The following MARCHF8 variants were observed in gnomAD, a reference collection of about 807,000 sequenced individuals.
The protein encoded by MARCHF8 is membrane associated ring-CH-type finger 8.
A neutral mutation model predicts 51.6 loss-of-function variants in MARCHF8; 40 were observed. That is an observed-to-expected ratio of 0.77 (90% CI 0.60 to 1.01). The LOEUF (loss-of-function observed/expected upper bound fraction) is 1.01. MARCHF8 is among the 50% of genes least tolerant of loss of function. The pLI is 0.00. For synonymous variants in MARCHF8, 263 were observed against 280.3 expected (o/e 0.94, Z 0.62); for missense variants, 685 against 708.6 (o/e 0.97, Z 0.38).
chr10:45,521,899 A>C (rs921231771), intron 2 of MARCHF8, among the ~76,000 whole-genome samples: 2 of 152,184 alleles, frequency 1.3e-5, no homozygotes, highest in Non-Finnish European at 1.5e-5. Flanking sequence ...TGATATACAT[A>C]TTCTGATGCA....
intron 1 of MARCHF8, among the ~76,000 whole-genome samples, chr10:45,590,249 T>C (rs1052977097): frequency 2.0e-5 from 3 of 152,220 alleles, no homozygotes; most frequent in African/African-American, 7.2e-5. Context: ...TACTGGCTAT[T>C]TGTATGTCTT....
chr10:45,569,674 T>C (rs2133387260), intron 1 of MARCHF8, among the ~76,000 whole-genome samples: 1 of 152,302 alleles, frequency 6.6e-6, no homozygotes, highest in African/African-American at 2.4e-5. Context: ...TGAAGATGAC[T>C]CAAATTTTTC....
At chr10:45,507,654 C>T (rs760185603) in intron 2 of MARCHF8, among the ~76,000 whole-genome samples, 2 of 152,108 alleles carry the variant, frequency 1.3e-5, no homozygotes, top group African/African-American at 2.4e-5. Flanking sequence ...TCAGAAGACC[C>T]TACATCCAAC....
At chr10:45,552,008 G>A (rs9422651) in intron 1 of MARCHF8, among the ~76,000 whole-genome samples, 9,390 of 152,052 alleles carry the variant, frequency 0.062, 333 homozygotes, top group Non-Finnish European at 0.067. Flanking sequence ...CATATTTTTT[G>A]GCAATTCCTA....
At chr10:45,593,805 G>C (rs1252501115) in intron 1 of MARCHF8, among the ~76,000 whole-genome samples, 5 of 152,082 alleles carry the variant, frequency 3.3e-5, no homozygotes, top group Non-Finnish European at 7.4e-5. Flanking sequence ...GCATGCAATC[G>C]AACAAAATAA....
chr10:45,475,912 A>G (rs34663276), intron 3 of MARCHF8, among the ~76,000 whole-genome samples: 9,434 of 152,186 alleles, frequency 0.062, 332 homozygotes, highest in Non-Finnish European at 0.067. Flanking sequence ...ACCTCACTAC[A>G]GCCTCCACCA....
chr10:45,579,195 T>C (rs1366323774), intron 1 of MARCHF8, among the ~76,000 whole-genome samples: 1 of 152,140 alleles, frequency 6.6e-6, no homozygotes, highest in Non-Finnish European at 1.5e-5. Flanking sequence ...AAAAAATACA[T>C]TCACATATAT....
chr10:45,591,599 C>G (rs1351160815), intron 1 of MARCHF8, among the ~76,000 whole-genome samples: 1 of 152,002 alleles, frequency 6.6e-6, no homozygotes, highest in African/African-American at 2.4e-5. Flanking sequence ...CTACTTTTTT[C>G]AATACATACT....
chr10:45,484,141 T>C (rs1311271973), intron 3 of MARCHF8, among the ~76,000 whole-genome samples: 4 of 152,174 alleles, frequency 2.6e-5, no homozygotes, highest in Admixed American at 6.5e-5. Flanking sequence ...ACATAGTCTA[T>C]GCATGTAACA....
In MARCHF8 at chr10:45,503,538, A is replaced by G. The variant is rs183578686; in HGVS notation, c.103-14121T>C. Among the ~76,000 whole-genome samples the G allele has an allele frequency of 5.4e-4, 79 of 146,232 alleles. 1 individual carries two copies. The East Asian group carries it at 0.014, about 26-fold the overall frequency. The stretch of plus-strand genomic sequence containing the variant: ...GGCGACAGAACGAGACTCCGTCTCA[A>G]ATAAATAAATAAATAAATAAATAAA... On this transcript the variant is annotated intron_variant, in intron 2 of 7. Coordinates refer to ENST00000453424, the MANE Select transcript of MARCHF8 (RefSeq NM_001282866.2).
chr10:45,529,606 A>T (rs2133265183), intron 2 of MARCHF8, among the ~76,000 whole-genome samples: 1 of 152,374 alleles, frequency 6.6e-6, no homozygotes, highest in East Asian at 1.9e-4. Flanking sequence ...CTCTACAAAG[A>T]ACTCAACAAG....
intron 2 of MARCHF8, among the ~76,000 whole-genome samples, chr10:45,519,488 A>G (rs1170425547): frequency 6.6e-6 from 1 of 152,212 alleles, no homozygotes; most frequent in Admixed American, 6.5e-5. Context: ...CAGAGAGGAA[A>G]TATTTTATGC....
intron 1 of MARCHF8, among the ~76,000 whole-genome samples, chr10:45,558,606 A>C (rs1373777073): frequency 6.6e-6 from 1 of 152,250 alleles, no homozygotes; most frequent in East Asian, 1.9e-4. Flanking sequence ...CCTATCAACC[A>C]AACGATCTTT....
Position 45,526,938 on chromosome 10 carries a change from A to G in MARCHF8, c.102+6172T>C, listed in dbSNP as rs1346966882. On this transcript the variant is annotated intron_variant, in intron 2 of 7. Coordinates refer to ENST00000453424, the MANE Select transcript of MARCHF8 (RefSeq NM_001282866.2). Reference sequence around the variant, plus strand: ...ATTTCAAGTTGTCTTCTCAGACTACAGTGGAAAAAACCTAAAGTCAATTCC... The same window carrying G: ...ATTTCAAGTTGTCTTCTCAGACTACGGTGGAAAAAACCTAAAGTCAATTCC... Among the ~76,000 whole-genome samples, 4 of 152,342 alleles carry G rather than the reference A, an allele frequency of 2.6e-5. No homozygotes were observed. In the East Asian group the frequency reaches 7.7e-4, roughly 29 times the overall value.
intron 1 of MARCHF8, among the ~76,000 whole-genome samples, chr10:45,571,371 ACCC>A (rs1008296556): frequency 2.0e-5 from 3 of 151,944 alleles, no homozygotes; most frequent in African/African-American, 2.4e-5. Context: ...GCACCTTGTG[ACCC>A]CGACCCCTGC....
intron 2 of MARCHF8, among the ~76,000 whole-genome samples, chr10:45,512,848 A>T (rs1278819987): frequency 6.6e-6 from 1 of 152,028 alleles, no homozygotes; most frequent in Non-Finnish European, 1.5e-5. Context: ...AAAGAAGTAG[A>T]CATGGGAGAC....
intron 2 of MARCHF8, among the ~76,000 whole-genome samples, chr10:45,497,980 T>C (rs2043204275): frequency 6.6e-6 from 1 of 152,216 alleles, no homozygotes; most frequent in Admixed American, 6.5e-5. Flanking sequence ...TGTGGTATTT[T>C]GTTATGGCAG....
At chr10:45,586,773 A>G (rs2044622925) in intron 1 of MARCHF8, among the ~76,000 whole-genome samples, 1 of 151,956 alleles carries the variant, frequency 6.6e-6, no homozygotes, top group Non-Finnish European at 1.5e-5. Flanking sequence ...TTGCTCCACA[A>G]ATTTTTTTTT....
chr10:45,487,507 C>G (rs73285382), intron 3 of MARCHF8, among the ~76,000 whole-genome samples: 1 of 152,104 alleles, frequency 6.6e-6, no homozygotes, highest in Non-Finnish European at 1.5e-5. Context: ...CACTTTTCTC[C>G]GTGCTTAGAC....
Sources: gnomAD v4.1 joint callset for allele counts (sites outside exome capture counted in the v4.1 genomes callset) on GRCh38, gnomAD v4.1.1 for gene constraint, MANE v1.5 for transcripts, NCBI Gene and HGNC (gene_info 2026-07-23, HGNC 2026-07-21) for gene names.